FHIP2A: variants seen among roughly 807,000 people sequenced by gnomAD.
FHIP2A encodes family with sequence similarity 160 member B1.
In FHIP2A, 46 loss-of-function variants were observed where a neutral mutation model predicts 93.5. The ratio of observed to expected loss-of-function variants is 0.49; its 90% CI spans 0.39 to 0.63. The LOEUF is 0.63. Among genes scored for constraint, FHIP2A ranks in the 20% least tolerant of loss-of-function variants. The pLI is 0.00. For synonymous variants in FHIP2A, 332 were observed against 326.5 expected, an observed-to-expected ratio of 1.02 and a Z score of -0.18; for missense variants, 769 against 909.7, an observed-to-expected ratio of 0.85 and a Z score of 1.99.
chr10:114,833,423 A>G lies in FHIP2A; in HGVS notation c.294+21A>G, dbSNP rs370724186. 1.2e-5 allele frequency: 20 copies of G among 1,608,252 alleles called. No homozygotes were observed. The African/African-American group carries it at 1.7e-4, about 14-fold the overall frequency. On this transcript the variant is annotated intron_variant, in intron 3 of 16. Transcript: ENST00000369248. ...CTGATGTAAGTTCCTGATCCACACC[A>G]TGTTCTTGGGCATTAGTACATGCAT... is the stretch of plus-strand genomic sequence containing the variant.
chr10:114,834,311 C>T (rs951112270), intron 3 of FHIP2A, among the ~76,000 whole-genome samples: 2 of 152,134 alleles, frequency 1.3e-5, no homozygotes, highest in African/African-American at 2.4e-5. Flanking sequence ...AACTCATTCT[C>T]CTCCTCCTTT....
intron 16 of FHIP2A, among the ~76,000 whole-genome samples, chr10:114,890,367 A>T (rs956991536): frequency 2.0e-5 from 3 of 151,654 alleles, no homozygotes; most frequent in African/African-American, 7.3e-5. Context: ...GGAGTTTGAT[A>T]CTGGGAATAC....
chr10:114,837,388 G>A (rs933952145), intron 5 of FHIP2A, among the ~76,000 whole-genome samples: 4 of 152,076 alleles, frequency 2.6e-5, no homozygotes, highest in African/African-American at 4.8e-5. Context: ...GGTAGTGCAC[G>A]CCTGGAATCC....
At position 114,890,785 on chromosome 10, in the gene FHIP2A, ATATAT is replaced by A. The variant is rs572293666; in HGVS notation, c.2193-8699_2193-8695del. 6.6e-3 allele frequency among the ~76,000 whole-genome samples: 991 copies of A among 149,432 alleles called. 6 individuals are homozygous for A. Among genetic ancestry groups the A allele is most frequent in the African/African-American group, 0.022 (893 of 40,946 alleles). ...ATATAAAATATATACTGTATATGAC[ATATAT>A]TATATATGTTTCAGGAAAATATGAA... On this transcript the variant is annotated intron_variant, in intron 16 of 16. Transcript: ENST00000369250.
At chr10:114,826,457 G>C (rs1050513898) in intron 1 of FHIP2A, among the ~76,000 whole-genome samples, 1 of 152,220 alleles carries the variant, frequency 6.6e-6, no homozygotes, top group Non-Finnish European at 1.5e-5. Context: ...ATTAAAATGA[G>C]ATAATGTACA....
At chr10:114,878,336 C>T (rs1417074311) in intron 16 of FHIP2A, among the ~76,000 whole-genome samples, 1 of 152,168 alleles carries the variant, frequency 6.6e-6, no homozygotes, top group African/African-American at 2.4e-5. Context: ...AACTCCCTGG[C>T]CAAGCTTAAG....
intron 1 of FHIP2A, among the ~76,000 whole-genome samples, chr10:114,825,710 G>C (rs570499125): frequency 5.9e-5 from 9 of 152,308 alleles, no homozygotes; most frequent in African/African-American, 1.9e-4. Flanking sequence ...AGTTAGTTCC[G>C]GGGTTAGATT....
At chr10:114,847,336 T>G (rs2143011605) in intron 12 of FHIP2A, 103 bp downstream of exon 12, 2 of 993,466 alleles carry the variant, frequency 2.0e-6, no homozygotes, top group South Asian at 1.7e-5. Flanking sequence ...TTGCCCACGC[T>G]GGAGTGCAGT....
chr10:114,832,989 C>T (rs1221473236), intron 2 of FHIP2A, among the ~76,000 whole-genome samples: 1 of 152,114 alleles, frequency 6.6e-6, no homozygotes, highest in Non-Finnish European at 1.5e-5. Flanking sequence ...GCTGGAATTA[C>T]AGGTGTGAGC....
chr10:114,861,078 T>C (rs2143013217), intron 15 of FHIP2A, among the ~76,000 whole-genome samples, 153 bp from the exon 16 acceptor site: 1 of 152,344 alleles, frequency 6.6e-6, no homozygotes, highest in Middle Eastern at 3.4e-3. Context: ...TTTAAAGAAT[T>C]AGGTATGAGT....
rs752672836 is a variant in FHIP2A at position 114,860,888 on chromosome 10, G to A, written c.2087G>A (p.Arg696Lys). ...GCRSLFSVIV[R>K]VVGDLMLRIQ... ...AGATCTCTCTTCTCTGTAATTGTCA[G>A]GGTGAGTTACTAGTTCTGTTATATT... is the stretch of plus-strand genomic sequence containing the variant. Residue 696 changes from arginine to lysine, a missense_variant and splice_region_variant, in exon 15 of 17, where the codon AGG becomes AAG. By Grantham distance (26) the Arg-to-Lys change is conservative. Transcript: ENST00000369248. 1.9e-6 allele frequency: 3 copies of A among 1,613,104 alleles called. No individual in the cohort carries two copies. The highest frequency in any genetic ancestry group is 1.7e-4 in the Middle Eastern group (1 of 6,058).
chr10:114,855,391 C>A, intron 14 of FHIP2A, 51 bp downstream of exon 14: 1 of 1,463,680 alleles, frequency 6.8e-7, no homozygotes, highest in Non-Finnish European at 9.4e-7. Flanking sequence ...CCATTCACCA[C>A]AGAATCATCT....
At chr10:114,872,325 G>A (rs1181520656) in intron 16 of FHIP2A, among the ~76,000 whole-genome samples, 3 of 152,138 alleles carry the variant, frequency 2.0e-5, no homozygotes, top group African/African-American at 4.8e-5. Flanking sequence ...CAAAATCCTA[G>A]AGGCCCACTC....
Position 114,861,641 on chromosome 10 carries a change from A to G in FHIP2A, c.*101A>G. On this transcript the variant is annotated 3_prime_UTR_variant, in exon 17 of 17. Transcript: ENST00000369248. ...CACAAGAGGATAAAAAGCCTTTTTA[A>G]ACGCAGTATTGCTGTAAACTGGACA... The G allele has an allele frequency of 6.7e-7, 1 of 1,490,624 alleles. No homozygotes were observed. The highest frequency in any genetic ancestry group is 1.4e-5 in the South Asian group (1 of 73,376). 92.3% of individuals were successfully genotyped at this position (1,490,624 alleles called of 1,614,324 possible). A position where few individuals can be genotyped will look rare whatever the true frequency, so the allele number is the denominator to read the frequency against.
chr10:114,828,186 T>C (rs148090870), intron 1 of FHIP2A, among the ~76,000 whole-genome samples: 1 of 152,326 alleles, frequency 6.6e-6, no homozygotes, highest in African/African-American at 2.4e-5. Flanking sequence ...TTTAACTCTC[T>C]AGTTAAATAG....
In FHIP2A at chr10:114,861,146, G is replaced by T. The variant is rs554579995; in HGVS notation, c.2089-85G>T. 76 of 1,543,348 alleles carry T rather than the reference G, an allele frequency of 4.9e-5. No homozygotes were observed. In the South Asian group the frequency reaches 7.8e-4, roughly 16 times the overall value. On this transcript the variant is annotated intron_variant, in intron 15 of 16. Coordinates refer to ENST00000369248, the MANE Select transcript of FHIP2A (RefSeq NM_020940.4). ...AGTTTACGTTCTTTATTAAATAGTA[G>T]GGAAGGAAGATTTTTCTTTTTAGAT...
At chr10:114,849,127 CAAAAAAAAAAAA>C (rs34515682) in intron 13 of FHIP2A, among the ~76,000 whole-genome samples, 3 of 50,410 alleles carry the variant, frequency 6.0e-5, no homozygotes, top group African/African-American at 1.6e-4. Flanking sequence ...GACTCCATCT[CAAAAAAAAAAAA>C]AAAAAAAAAA....
chr10:114,835,074 A>G (rs1355711849), intron 3 of FHIP2A, among the ~76,000 whole-genome samples: 2 of 152,288 alleles, frequency 1.3e-5, no homozygotes, highest in South Asian at 2.1e-4. Context: ...CCTTTTATTT[A>G]CATGTGTGTT....
At position 114,864,681 on chromosome 10, in the gene FHIP2A, G is replaced by A; in HGVS notation, c.*3141G>A. On this transcript the variant is annotated 3_prime_UTR_variant, in exon 17 of 17. Coordinates refer to ENST00000369248, the MANE Select transcript of FHIP2A (RefSeq NM_020940.4). ...TAACAATGCATGCAGGACTAAGAGG[G>A]ATGATCTAAAAAATAAATAATGTAA... The A allele has an allele frequency of 1.0e-6, 1 of 984,948 alleles. No individual in the cohort carries two copies. Among genetic ancestry groups the A allele is most frequent in the Non-Finnish European group, 1.2e-6 (1 of 829,388 alleles). 61.0% of individuals were successfully genotyped at this position (984,948 alleles called of 1,614,324 possible).
Sources: gnomAD v4.1 joint callset for allele counts (sites outside exome capture counted in the v4.1 genomes callset) on GRCh38, gnomAD v4.1.1 for gene constraint, MANE v1.5 for transcripts, NCBI Gene and HGNC (gene_info 2026-07-23, HGNC 2026-07-21) for gene names.